Variants in LY9 observed in about 807,000 individuals in gnomAD.
The protein encoded by LY9 is lymphocyte antigen 9, also known as T-lymphocyte surface antigen Ly-9.
LY9 carries 59 observed loss-of-function variants against 64.6 expected under a neutral mutation model. The observed-to-expected ratio is 0.91, with a 90% CI of 0.74 to 1.13. The LOEUF (loss-of-function observed/expected upper bound fraction) is 1.13, where lower values mean the gene tolerates loss of function less well. LY9 is among the 50% of genes most tolerant of loss of function. LY9 has a pLI of 0.00. For missense variants in LY9, 789 were observed against 797.2 expected, an observed-to-expected ratio of 0.99 and a Z score of 0.12; for synonymous variants, 281 against 308.5, an observed-to-expected ratio of 0.91 and a Z score of 0.93.
chr1:160,802,420 C>A (rs1191303695), intron 2 of LY9: 2 of 986,384 alleles, frequency 2.0e-6, no homozygotes, highest in Non-Finnish European at 1.2e-6. Flanking sequence ...CCGGCCACTC[C>A]CCGAGGAGCT....
chr1:160,800,321 C>T, intron 2 of LY9: 2 of 440,410 alleles, frequency 4.5e-6, no homozygotes, highest in Non-Finnish European at 8.2e-6. Flanking sequence ...TAACCCACTT[C>T]TCTTCATCAT....
intron 2 of LY9, among the ~76,000 whole-genome samples, chr1:160,804,607 G>A (rs1029994283): frequency 1.3e-5 from 2 of 152,154 alleles, no homozygotes; most frequent in African/African-American, 2.4e-5. Context: ...CTCATCGAAT[G>A]AGTTAAGGAA....
intron 1 of LY9, 115 bp downstream of exon 1, chr1:160,796,426 C>T: frequency 7.7e-7 from 1 of 1,304,314 alleles, no homozygotes. Flanking sequence ...CGGAGTCTCA[C>T]TCTGTTGCCA....
chr1:160,811,564 A>T (rs565141338), intron 2 of LY9: 1 of 152,300 alleles, frequency 6.6e-6, no homozygotes, highest in African/African-American at 2.4e-5. Context: ...CAGCTCTTTG[A>T]TTAGAAATCT....
At chr1:160,799,286 T>C (rs899047020) in intron 1 of LY9, 1 of 158,218 alleles carries the variant, frequency 6.3e-6, no homozygotes, top group African/African-American at 2.4e-5. Flanking sequence ...GCTTGCTTTA[T>C]CACTCGCCTG....
chr1:160,799,778 A>G lies in LY9; in HGVS notation c.150A>G (p.Ser50=), dbSNP rs1666265177. The G allele has an allele frequency of 6.2e-7, 1 of 1,613,498 alleles. No homozygotes were observed. The highest frequency in any genetic ancestry group is 1.1e-5 in the South Asian group (1 of 91,068). Reference sequence around the variant, plus strand: ...GACTAAGAGCCTCTGGAAAGGACTCAGCCCCAACAGTGGTGTCAGGGATCC... The same window carrying G: ...GACTAAGAGCCTCTGGAAAGGACTCGGCCCCAACAGTGGTGTCAGGGATCC... ...LMGLRASGKD[S]APTVVSGILG... Residue 50 remains serine (S), a synonymous_variant, in exon 2 of 10, where the codon TCA becomes TCG. Coordinates refer to ENST00000263285, the MANE Select transcript of LY9 (RefSeq NM_002348.4).
intron 9 of LY9, among the ~76,000 whole-genome samples, chr1:160,825,076 T>A (rs1479457462): frequency 6.6e-6 from 1 of 151,286 alleles, no homozygotes; most frequent in Admixed American, 6.6e-5. Context: ...CCTGTGGTGG[T>A]ACACACCTGT....
At position 160,816,685 on chromosome 1, in the gene LY9, G is replaced by C; in HGVS notation, c.1164G>C (p.Gly388=). The change falls in exon 5 of 10, where the codon GGG becomes GGC. Residue 388 remains glycine, a synonymous_variant. Coordinates refer to ENST00000263285, the MANE Select transcript of LY9 (RefSeq NM_002348.4). ...RISLTCSVED[G]GNTVMYTWTP... ...GCCTGACCTGCTCCGTGGAGGACGG[G>C]GGAAACACTGTCATGTACACATGGA... 6.2e-7 allele frequency: 1 copy of C among 1,614,162 alleles called. No homozygotes were observed. The highest frequency in any genetic ancestry group is 8.5e-7 in the Non-Finnish European group (1 of 1,180,034).
At chr1:160,822,944 C>T (rs1414853875) in intron 7 of LY9, among the ~76,000 whole-genome samples, 2 of 152,202 alleles carry the variant, frequency 1.3e-5, no homozygotes, top group Non-Finnish European at 2.9e-5. Context: ...TTCCACTCAT[C>T]GAAATATTGA....
intron 4 of LY9, among the ~76,000 whole-genome samples, chr1:160,816,083 G>A (rs1037654708): frequency 6.6e-6 from 1 of 152,106 alleles, no homozygotes; most frequent in Non-Finnish European, 1.5e-5. Flanking sequence ...GAACCCACAA[G>A]GTTAAGTAAA....
chr1:160,806,899 G>A (rs1257045262), intron 2 of LY9, among the ~76,000 whole-genome samples: 1 of 152,026 alleles, frequency 6.6e-6, no homozygotes, highest in African/African-American at 2.4e-5. Flanking sequence ...ATGTAACAAA[G>A]GTTTAGCTCA....
At position 160,816,578 on chromosome 1, in the gene LY9, G is replaced by A. The variant is rs1372447928; in HGVS notation, c.1073-16G>A. ...GCAGGCCTGATTCCACATGGAGTCT[G>A]CCTCTCTCCTCACAGGCAGGCTGAG... On this transcript the variant is annotated splice_polypyrimidine_tract_variant and intron_variant, in intron 4 of 9. Transcript: ENST00000263285. The A allele has an allele frequency of 1.3e-6, 2 of 1,575,132 alleles. No individual in the cohort carries two copies. Among genetic ancestry groups the A allele is most frequent in the Non-Finnish European group, 1.7e-6 (2 of 1,158,052 alleles).
intron 1 of LY9, 114 bp downstream of exon 1, chr1:160,796,425 A>C (rs1027331150): frequency 3.8e-6 from 5 of 1,304,192 alleles, no homozygotes; most frequent in East Asian, 2.4e-5. Context: ...ACGGAGTCTC[A>C]CTCTGTTGCC....
chr1:160,827,891 C>A lies in LY9; in HGVS notation c.*75C>A. ...CAGCTGGACCTCATGGGGCCTGGGG[C>A]TCACAGACAGAAGCACCTCAGAATT... On this transcript the variant is annotated 3_prime_UTR_variant, in exon 10 of 10. Coordinates refer to ENST00000263285, the MANE Select transcript of LY9 (RefSeq NM_002348.4). 8.2e-7 allele frequency: 1 copy of A among 1,221,818 alleles called. No homozygotes were observed. The highest frequency in any genetic ancestry group is 1.2e-6 in the Non-Finnish European group (1 of 850,294). 75.7% of individuals were successfully genotyped at this position (1,221,818 alleles called of 1,614,324 possible).
chr1:160,821,509 T>G (rs1453855928), intron 7 of LY9, among the ~76,000 whole-genome samples: 1 of 152,246 alleles, frequency 6.6e-6, no homozygotes, highest in Non-Finnish European at 1.5e-5. Context: ...CAGTCCTTAT[T>G]AACAGACATT....
intron 7 of LY9, among the ~76,000 whole-genome samples, chr1:160,821,151 T>TAAAAAAAAACAAAAAAA: frequency 9.5e-6 from 1 of 105,094 alleles, no homozygotes; most frequent in Non-Finnish European, 1.8e-5. Context: ...GAAACTTTGC[T>TAAAAAAAAACAAAAAAA]AAAAAAAAAA....
intron 9 of LY9, among the ~76,000 whole-genome samples, chr1:160,825,940 T>C (rs1668831029): frequency 6.6e-6 from 1 of 151,642 alleles, no homozygotes; most frequent in African/African-American, 2.4e-5. Context: ...CAGTTGACCC[T>C]TGAACAATTC....
chr1:160,798,071 T>C (rs981252629), intron 1 of LY9, among the ~76,000 whole-genome samples: 2 of 152,204 alleles, frequency 1.3e-5, no homozygotes, highest in African/African-American at 4.8e-5. Context: ...TGGGGACCTG[T>C]CATTGTACTG....
chr1:160,824,217 G>A lies in LY9; in HGVS notation c.1867G>A (p.Ala623Thr), dbSNP rs1465118722. Residue 623 changes from alanine (A) to threonine (T), a missense_variant, in exon 9 of 10, where the codon GCC (alanine) becomes ACC (threonine). Ala to Thr is a moderately conservative substitution (Grantham distance 58). Coordinates refer to ENST00000263285, the MANE Select transcript of LY9 (RefSeq NM_002348.4). ...TPVSQKEESSATIYCSIRKPQ... is the reference protein window; with the variant it reads ...TPVSQKEESSTTIYCSIRKPQ... ...AGTTTCTCAGAAGGAAGAGAGCTCAGCCACAATCTACTGCTCCATACGGAA... is the reference window on the plus strand; with the variant it reads ...AGTTTCTCAGAAGGAAGAGAGCTCAACCACAATCTACTGCTCCATACGGAA... 7 of 1,614,056 alleles carry A rather than the reference G, an allele frequency of 4.3e-6. No homozygotes were observed. The highest frequency in any genetic ancestry group is 1.3e-5 in the African/African-American group (1 of 74,928).
Sources: gnomAD v4.1 joint callset for allele counts (sites outside exome capture counted in the v4.1 genomes callset) on GRCh38, gnomAD v4.1.1 for gene constraint, MANE v1.5 for transcripts, NCBI Gene and HGNC (gene_info 2026-07-23, HGNC 2026-07-21) for gene names.